ZRANB1: variants seen among roughly 807,000 people sequenced by gnomAD.
ZRANB1 encodes the protein zinc finger RANBP2-type containing 1.
ZRANB1 carries 16 observed loss-of-function variants against 80.5 expected under a neutral mutation model. That is an observed-to-expected ratio of 0.20 (90% CI 0.13 to 0.30). The LOEUF (loss-of-function observed/expected upper bound fraction) is 0.30, where lower values mean the gene tolerates loss of function less well. Among genes scored for constraint, ZRANB1 ranks in the 10% least tolerant of loss-of-function variants. The pLI is 1.00. For synonymous variants in ZRANB1, 291 were observed against 293.1 expected (o/e 0.99, Z 0.07); for missense variants, 576 against 862.6 (o/e 0.67, Z 4.16).
Position 124,983,052 on chromosome 10 carries a change from A to G in ZRANB1, c.1549-123A>G. 1 of 958,738 alleles carries G rather than the reference A, an allele frequency of 1.0e-6. No individual in the cohort carries two copies. The highest frequency in any genetic ancestry group is 1.5e-6 in the Non-Finnish European group (1 of 662,172). 59.4% of individuals were successfully genotyped at this position (958,738 alleles called of 1,614,324 possible). A position where few individuals can be genotyped will look rare whatever the true frequency, so the allele number is the denominator to read the frequency against. On this transcript the variant is annotated intron_variant, in intron 6 of 8. Transcript: ENST00000359653. This position sits in a 1 kb window ranked among gnomAD's most constrained non-coding sequence, Gnocchi z 6.2. ...TTGAGGAATCAAATGCTGCTTTGACAATCTTTTCTTTCTTAAAAACCAACT... is the reference window on the plus strand; with the variant it reads ...TTGAGGAATCAAATGCTGCTTTGACGATCTTTTCTTTCTTAAAAACCAACT...
Position 124,983,256 on chromosome 10 carries a change from T to C in ZRANB1, c.1630T>C (p.Tyr544His), listed in dbSNP as rs1951956968. Residue 544 changes from tyrosine to histidine, a missense_variant, in exon 7 of 9, where the codon TAT becomes CAT. Coordinates refer to ENST00000359653, the MANE Select transcript of ZRANB1 (RefSeq NM_017580.3). This position sits in a 1 kb window ranked among gnomAD's most constrained non-coding sequence, Gnocchi z 6.2. Reference protein sequence around the residue: ...RRPIIVYGVKYYKSFRGETLG... With the variant: ...RRPIIVYGVKHYKSFRGETLG... ...ACCAATTATAGTTTATGGAGTAAAA[T>C]ATTACAAGAGTTTCCGGGGAGAAAC... is the stretch of plus-strand genomic sequence containing the variant. 1 of 1,614,156 alleles carries C rather than the reference T, an allele frequency of 6.2e-7. No individual in the cohort carries two copies. Among genetic ancestry groups the C allele is most frequent in the Middle Eastern group, 1.6e-4 (1 of 6,062 alleles).
At chr10:124,940,517 T>TG, upstream of ZRANB1, 1 of 1,289,288 alleles carries the variant, frequency 7.8e-7, no homozygotes, top group Non-Finnish European at 1.0e-6. Flanking sequence ...ATGTGCAAGG[T>TG]GGAGGTTATA....
the ZRANB1 span, among the ~76,000 whole-genome samples, chr10:124,923,221 A>C: frequency 6.6e-6 from 1 of 151,882 alleles, no homozygotes; most frequent in African/African-American, 2.4e-5. Context: ...CAGGAGGCAG[A>C]GGTTGCAGAG....
chr10:124,941,537 A>C (rs1382167180), upstream of ZRANB1, among the ~76,000 whole-genome samples: 1 of 152,078 alleles, frequency 6.6e-6, no homozygotes, highest in East Asian at 1.9e-4. Flanking sequence ...ATTTTTATAG[A>C]GACGGGGCTT....
intron 1 of ZRANB1, among the ~76,000 whole-genome samples, chr10:124,949,523 A>ACT (rs531718406): frequency 8.6e-6 from 1 of 116,856 alleles, no homozygotes; most frequent in Non-Finnish European, 1.6e-5. Flanking sequence ...ACACACACAC[A>ACT]TTTTTTTTTT....
chr10:124,963,124 G>A (rs112555409), intron 1 of ZRANB1, among the ~76,000 whole-genome samples: 23 of 152,146 alleles, frequency 1.5e-4, no homozygotes, highest in African/African-American at 5.5e-4. Context: ...AAATTAGCTA[G>A]GTGTGGTGGT....
At chr10:124,976,647 C>G (rs1951878819) in intron 5 of ZRANB1, among the ~76,000 whole-genome samples, 1 of 143,834 alleles carries the variant, frequency 7.0e-6, no homozygotes, top group African/African-American at 2.6e-5. Flanking sequence ...TCTCGGCTCA[C>G]TGCAACCTCT....
chr10:124,963,554 G>GTTTTTTTTTTTTTTTTTTTTT (rs760813299), intron 1 of ZRANB1, among the ~76,000 whole-genome samples: 3 of 57,524 alleles, frequency 5.2e-5, no homozygotes, highest in South Asian at 7.8e-4. Flanking sequence ...TTTTTTGTTT[G>GTTTTTTTTTTTTTTTTTTTTT]TTTTTTTTTT....
intron 2 of ZRANB1, 50 bp from the exon 3 acceptor site, chr10:124,971,915 C>T: frequency 6.8e-7 from 1 of 1,463,180 alleles, no homozygotes; most frequent in Non-Finnish European, 9.1e-7. Context: ...TTGTTTTCTG[C>T]TTCCACTTAT....
intron 1 of ZRANB1, among the ~76,000 whole-genome samples, chr10:124,953,773 A>C (rs1951663220): frequency 1.3e-5 from 2 of 152,050 alleles, no homozygotes; most frequent in Non-Finnish European, 2.9e-5. Context: ...TCAGTTGCAG[A>C]TCTGTGTTCT....
chr10:124,966,869 A>C, intron 2 of ZRANB1, 88 bp downstream of exon 2: 1 of 1,278,788 alleles, frequency 7.8e-7, no homozygotes, highest in South Asian at 1.5e-5. Context: ...TGTTTCTCTA[A>C]GCAGCTTTAA....
rs1428804001 is a variant in ZRANB1 at position 124,983,183 on chromosome 10, A to C, written c.1557A>C (p.Ala519=). ...TGTTTTGTTTCGTACAGCCTGGAGC[A>C]AGCTTGGAGCAGACGCACATTTTTG... The part of the protein sequence containing the change: ...FILSLASQPG[A]SLEQTHIFVL... The change falls in exon 7 of 9, where the codon GCA becomes GCC. Residue 519 remains alanine (A), a synonymous_variant. Transcript: ENST00000359653. This position sits in a 1 kb window ranked among gnomAD's most constrained non-coding sequence, Gnocchi z 6.2. 6.2e-7 allele frequency: 1 copy of C among 1,613,096 alleles called. No homozygotes were observed. The highest frequency in any genetic ancestry group is 1.1e-5 in the South Asian group (1 of 90,846).
intron 1 of ZRANB1, among the ~76,000 whole-genome samples, chr10:124,947,832 A>C (rs1564956652): frequency 6.6e-6 from 1 of 152,018 alleles, no homozygotes; most frequent in Admixed American, 6.6e-5. Context: ...ACTTCTCACT[A>C]TTCTTGTCCA....
chr10:124,920,448 A>G, the ZRANB1 span, among the ~76,000 whole-genome samples: 134 of 152,258 alleles, frequency 8.8e-4, no homozygotes, highest in African/African-American at 3.0e-3. Flanking sequence ...CAGGCAAAAT[A>G]AAGTTCAAGC....
chr10:124,968,289 A>G (rs1042069197), intron 2 of ZRANB1, among the ~76,000 whole-genome samples: 1 of 152,204 alleles, frequency 6.6e-6, no homozygotes, highest in Non-Finnish European at 1.5e-5. Context: ...TACATCTTTC[A>G]TATATACTTT....
rs1951954168 is a variant in ZRANB1, at chr10:124,983,079, C to T, written c.1549-96C>T. 2.3e-6 allele frequency: 3 copies of T among 1,282,064 alleles called. No homozygotes were observed. The highest frequency in any genetic ancestry group is 1.6e-5 in the South Asian group (1 of 61,048). The allele number at this position is 1,282,064 out of a possible 1,614,324, so 79.4% of individuals were successfully genotyped here. ...TCTTTTCTTTCTTAAAAACCAACTG[C>T]GATAGTATACTGAAGGGGAGGTAGT... On this transcript the variant is annotated intron_variant, in intron 6 of 8. Transcript: ENST00000359653. This position sits in a 1 kb window ranked among gnomAD's most constrained non-coding sequence, Gnocchi z 6.2.
At chr10:124,938,478 C>T (rs1488641021), upstream of ZRANB1, among the ~76,000 whole-genome samples, 3 of 151,242 alleles carry the variant, frequency 2.0e-5, no homozygotes, top group Non-Finnish European at 4.4e-5. Context: ...AGGCATGTGC[C>T]ACCACCCTGG....
intron 1 of ZRANB1, among the ~76,000 whole-genome samples, chr10:124,950,369 C>T (rs1589842423): frequency 6.6e-6 from 1 of 152,106 alleles, no homozygotes; most frequent in Non-Finnish European, 1.5e-5. Flanking sequence ...AGCAGCCCGC[C>T]CGCCTCGGTC....
intron 1 of ZRANB1, among the ~76,000 whole-genome samples, chr10:124,960,999 G>GT (rs1589847498): frequency 1.3e-5 from 2 of 150,382 alleles, no homozygotes; most frequent in East Asian, 2.0e-4. Context: ...TTTTTGTTTT[G>GT]TTTTTTGTTT....
Sources: allele counts gnomAD v4.1 joint callset (sites outside exome capture counted in the v4.1 genomes callset), GRCh38; gene constraint gnomAD v4.1.1; non-coding constraint Gnocchi (gnomAD v3.1); transcripts MANE v1.5; gene names NCBI Gene and HGNC (gene_info 2026-07-23, HGNC 2026-07-21).